Variants in CCDC102B observed in about 807,000 individuals in gnomAD.
CCDC102B encodes the protein coiled-coil domain-containing protein 102B.
Under a neutral mutation model 57.4 loss-of-function variants are expected in CCDC102B, and 75 were observed. The ratio of observed to expected loss-of-function variants is 1.31; its 90% CI spans 1.08 to 1.58. CCDC102B has a LOEUF of 1.58. Ranked by LOEUF, CCDC102B falls within the 40% of genes most tolerant of loss-of-function variation. CCDC102B has a pLI of 0.00. For missense variants in CCDC102B, 636 were observed against 582.6 expected (o/e 1.09, Z -0.94); for synonymous variants, 206 against 201.9 (o/e 1.02, Z -0.17).
At chr18:68,760,627 A>G (rs1195722832) in intron 2 of CCDC102B, among the ~76,000 whole-genome samples, 1 of 152,092 alleles carries the variant, frequency 6.6e-6, no homozygotes, top group South Asian at 2.1e-4. Flanking sequence ...ACCATTGCCC[A>G]GTGTCACATT....
At chr18:68,838,585 T>C in intron 2 of CCDC102B, 121 bp from the exon 3 acceptor site, 2 of 1,448,830 alleles carry the variant, frequency 1.4e-6, no homozygotes, top group Non-Finnish European at 1.8e-6. Flanking sequence ...CAGGGAATGA[T>C]AATGAAATAA....
At chr18:68,741,190 T>G (rs9955865) in intron 2 of CCDC102B, among the ~76,000 whole-genome samples, 17,062 of 152,224 alleles carry the variant, frequency 0.11, 1,112 homozygotes, top group African/African-American at 0.16. Context: ...GCAGCTTTAC[T>G]TGCAGATGTT....
At chr18:68,755,159 C>T (rs1048189392) in intron 2 of CCDC102B, among the ~76,000 whole-genome samples, 1 of 152,076 alleles carries the variant, frequency 6.6e-6, no homozygotes, top group African/African-American at 2.4e-5. Flanking sequence ...CTATGTAGAG[C>T]CTAGAAGCAG....
rs1281393430 is a variant in CCDC102B at position 68,790,167 on chromosome 18, T to G, written c.-66-33199T>G. On this transcript the variant is annotated intron_variant, in intron 2 of 3. Coordinates refer to the CCDC102B transcript ENST00000578970. Reference sequence around the variant, plus strand: ...AGGGGTCAGGGGTCAGGGACCCACTTGAGGAGGCAGTCTGCCCATTCTCAG... The same window carrying G: ...AGGGGTCAGGGGTCAGGGACCCACTGGAGGAGGCAGTCTGCCCATTCTCAG... 5.3e-5 allele frequency among the ~76,000 whole-genome samples: 8 copies of G among 151,082 alleles called. No individual in the cohort carries two copies. In the East Asian group the frequency reaches 1.2e-3, roughly 22 times the overall value.
At chr18:68,940,499 A>G (rs377144154) in intron 6 of CCDC102B, among the ~76,000 whole-genome samples, 1 of 151,998 alleles carries the variant, frequency 6.6e-6, no homozygotes, top group African/African-American at 2.4e-5. Context: ...TTCACGGTCC[A>G]TTAAATGAAA....
At chr18:68,817,697 CAT>C (rs1463448903) in intron 1 of CCDC102B, among the ~76,000 whole-genome samples, 6 of 152,132 alleles carry the variant, frequency 3.9e-5, no homozygotes, top group East Asian at 1.9e-4. Context: ...TGTTCTTAGT[CAT>C]GTGTGTGGGT....
At chr18:68,956,349 T>TATAATATA (rs1491436001) in intron 6 of CCDC102B, among the ~76,000 whole-genome samples, 1 of 57,236 alleles carries the variant, frequency 1.7e-5, no homozygotes, top group African/African-American at 5.2e-5. Flanking sequence ...AATATATATA[T>TATAATATA]TAATATATAT....
At chr18:68,874,887 T>A in intron 5 of CCDC102B, 102 bp downstream of exon 5, 1 of 701,446 alleles carries the variant, frequency 1.4e-6, no homozygotes, top group Admixed American at 2.2e-5. Flanking sequence ...CTTTGGTTAC[T>A]TTATGAAAGT....
chr18:68,957,480 T>C (rs2049930566), intron 6 of CCDC102B, among the ~76,000 whole-genome samples: 1 of 152,062 alleles, frequency 6.6e-6, no homozygotes, highest in African/African-American at 2.4e-5. Flanking sequence ...GTGAGTCTCT[T>C]TTTATGTCAG....
intron 7 of CCDC102B, among the ~76,000 whole-genome samples, chr18:69,051,248 A>C (rs1387489482): frequency 1.3e-5 from 2 of 152,142 alleles, no homozygotes; most frequent in African/African-American, 2.4e-5. Flanking sequence ...TTTTTTTGGA[A>C]AAATAACTTT....
exon 1 of CCDC102B, chr18:68,715,342 A>G (rs2031877834): frequency 1.1e-6 from 1 of 882,684 alleles, no homozygotes; most frequent in African/African-American, 1.9e-5. Flanking sequence ...AATACCGGTG[A>G]AAGTTATGCT....
intron 5 of CCDC102B, among the ~76,000 whole-genome samples, chr18:68,887,903 C>T (rs1599637739): frequency 6.6e-6 from 1 of 152,054 alleles, no homozygotes; most frequent in Admixed American, 6.6e-5. Flanking sequence ...ATCTTGACAC[C>T]CAAGGCATAC....
chr18:68,811,233 C>T (rs1215654146), intron 1 of CCDC102B, among the ~76,000 whole-genome samples: 3 of 152,170 alleles, frequency 2.0e-5, no homozygotes, highest in Non-Finnish European at 4.4e-5. Flanking sequence ...ATTGCTGGGT[C>T]AAATGGTATT....
At chr18:68,763,482 G>A (rs73456134) in intron 2 of CCDC102B, among the ~76,000 whole-genome samples, 3,662 of 152,104 alleles carry the variant, frequency 0.024, 141 homozygotes, top group African/African-American at 0.083. Flanking sequence ...TTCTAACAAT[G>A]TAAAAAAAAT....
intron 2 of CCDC102B, among the ~76,000 whole-genome samples, chr18:68,728,327 G>A (rs1211550559): frequency 6.6e-6 from 1 of 152,070 alleles, no homozygotes; most frequent in Non-Finnish European, 1.5e-5. Context: ...TTCATTCAAG[G>A]GTATTTGAAT....
chr18:69,048,207 A>AGT (rs748917226), intron 7 of CCDC102B, among the ~76,000 whole-genome samples: 46 of 151,426 alleles, frequency 3.0e-4, no homozygotes, highest in East Asian at 1.6e-3. Flanking sequence ...ATGCCAAATA[A>AGT]GTGTGTGTGT....
At chr18:68,745,174 G>T (rs182216804) in intron 2 of CCDC102B, among the ~76,000 whole-genome samples, 1 of 152,088 alleles carries the variant, frequency 6.6e-6, no homozygotes, top group South Asian at 2.1e-4. Flanking sequence ...GAAGTGGGGT[G>T]TGCTTGGTTC....
At chr18:69,022,745 A>G (rs560509665) in intron 7 of CCDC102B, among the ~76,000 whole-genome samples, 2 of 152,060 alleles carry the variant, frequency 1.3e-5, no homozygotes, top group East Asian at 1.9e-4. Context: ...TTGTGTATCT[A>G]TTTGTACAGA....
At chr18:69,040,124 G>A (rs145713216) in intron 7 of CCDC102B, among the ~76,000 whole-genome samples, 3,561 of 151,926 alleles carry the variant, frequency 0.023, 72 homozygotes, top group Non-Finnish European at 0.037. Flanking sequence ...ATTACATGAG[G>A]AATGATACAT....
Sources: allele counts gnomAD v4.1 joint callset (sites outside exome capture counted in the v4.1 genomes callset), GRCh38; gene constraint gnomAD v4.1.1; transcripts MANE v1.5; gene names NCBI Gene and HGNC (gene_info 2026-07-23, HGNC 2026-07-21).